ATP9B: variants seen among roughly 807,000 people sequenced by gnomAD.
ATP9B encodes ATPase phospholipid transporting 9B, also known as probable phospholipid-transporting ATPase IIB.
ATP9B carries 110 observed loss-of-function variants against 146.1 expected under a neutral mutation model. The observed-to-expected ratio is 0.75, with a 90% confidence interval of 0.65 to 0.88. ATP9B has a LOEUF of 0.88. Among genes scored for constraint, ATP9B ranks in the 40% least tolerant of loss-of-function variants. The pLI is 0.00. For synonymous variants in ATP9B, 604 were observed against 569.7 expected, an observed-to-expected ratio of 1.06 and a Z score of -0.86; for missense variants, 1,499 against 1,496.4, an observed-to-expected ratio of 1.00 and a Z score of -0.03.
chr18:79,131,000 A>G (rs931362230), intron 5 of ATP9B, among the ~76,000 whole-genome samples: 15 of 152,150 alleles, frequency 9.9e-5, no homozygotes. Context: ...GTCTCTACTA[A>G]AAATACAAAA....
At chr18:79,368,527 ACT>A (rs547345766) in intron 26 of ATP9B, among the ~76,000 whole-genome samples, 3 of 152,110 alleles carry the variant, frequency 2.0e-5, no homozygotes, top group South Asian at 4.2e-4. Flanking sequence ...TTAGGTGCAC[ACT>A]CTCTGCTTGG....
intron 11 of ATP9B, among the ~76,000 whole-genome samples, chr18:79,226,663 C>T (rs2095737813): frequency 6.6e-6 from 1 of 152,218 alleles, no homozygotes; most frequent in South Asian, 2.1e-4. Context: ...ATGCTGCTCA[C>T]CCGCAGTAGA....
At chr18:79,097,704 A>C (rs923586687) in intron 2 of ATP9B, among the ~76,000 whole-genome samples, 36 of 146,230 alleles carry the variant, frequency 2.5e-4, no homozygotes, top group African/African-American at 8.4e-4. Context: ...AAGGACATGA[A>C]CTCATCATTT....
chr18:79,175,062 A>G (rs55677412), intron 7 of ATP9B, among the ~76,000 whole-genome samples: 9,194 of 152,100 alleles, frequency 0.06, 365 homozygotes, highest in Non-Finnish European at 0.092. Flanking sequence ...TTAGCTGGGC[A>G]TGGTGGCACG....
chr18:79,249,655 A>G (rs190992726), intron 11 of ATP9B, among the ~76,000 whole-genome samples: 147 of 152,366 alleles, frequency 9.6e-4, no homozygotes, highest in African/African-American at 3.3e-3. Flanking sequence ...TCTTTATAGA[A>G]TCTGTAACTT....
intron 11 of ATP9B, among the ~76,000 whole-genome samples, chr18:79,240,887 G>T (rs961122347): frequency 6.6e-6 from 1 of 152,182 alleles, no homozygotes; most frequent in African/African-American, 2.4e-5. Context: ...ACTGAAGTTG[G>T]GGACGGGGAG....
chr18:79,195,249 T>G (rs528621797), intron 9 of ATP9B, among the ~76,000 whole-genome samples: 1 of 106,472 alleles, frequency 9.4e-6, no homozygotes, highest in African/African-American at 5.6e-5. Flanking sequence ...AAAATAGCTC[T>G]TATTATTATG....
At chr18:79,310,111 G>T (rs980250250) in intron 15 of ATP9B, among the ~76,000 whole-genome samples, 4 of 152,274 alleles carry the variant, frequency 2.6e-5, no homozygotes, top group African/African-American at 9.6e-5. Context: ...GCAGGAAGAA[G>T]GGTGGAGAGG....
chr18:79,345,392 A>T, intron 21 of ATP9B, 36 bp from the exon 22 acceptor site: 1 of 1,606,812 alleles, frequency 6.2e-7, no homozygotes, highest in Non-Finnish European at 8.5e-7. Flanking sequence ...ACTGTTGTCG[A>T]CCATAAGGCA....
chr18:79,223,464 A>T (rs2095700429), intron 11 of ATP9B, among the ~76,000 whole-genome samples: 2 of 152,342 alleles, frequency 1.3e-5, no homozygotes, highest in East Asian at 3.9e-4. Flanking sequence ...TGCTTCACCA[A>T]AGAGCTACAT....
chr18:79,110,407 C>G lies in ATP9B; in HGVS notation c.346C>G (p.Arg116Gly). ...ICRRKKELKA[R>G]TVWLGCPEKC... ...TCGAAGAAAGAAAGAGCTGAAAGCT[C>G]GCACAGTATGGCTTGGATGTCCTGA... Residue 116 changes from arginine (R) to glycine (G), a missense_variant, in exon 3 of 30, where the codon CGC becomes GGC. Physicochemically the swap from Arg to Gly is moderately radical, Grantham distance 125. Coordinates refer to ENST00000426216, the MANE Select transcript of ATP9B (RefSeq NM_198531.5). 1 of 1,609,946 alleles carries G rather than the reference C, an allele frequency of 6.2e-7. No homozygotes were observed. The highest frequency in any genetic ancestry group is 8.5e-7 in the Non-Finnish European group (1 of 1,177,534).
chr18:79,261,793 C>T (rs1231278599), intron 12 of ATP9B, among the ~76,000 whole-genome samples: 3 of 152,098 alleles, frequency 2.0e-5, no homozygotes, highest in East Asian at 3.9e-4. Flanking sequence ...GTTCAGTTTC[C>T]CGATATTCAG....
intron 11 of ATP9B, among the ~76,000 whole-genome samples, chr18:79,233,014 G>C (rs966499593): frequency 5.3e-5 from 8 of 152,122 alleles, no homozygotes; most frequent in Non-Finnish European, 1.2e-4. Flanking sequence ...ATATGTGGCC[G>C]GGCACGGTGG....
intron 5 of ATP9B, among the ~76,000 whole-genome samples, chr18:79,130,933 G>C (rs1295269064): frequency 6.6e-6 from 1 of 152,206 alleles, no homozygotes; most frequent in African/African-American, 2.4e-5. Flanking sequence ...GGCCGAGGCA[G>C]GTGGATAACT....
At chr18:79,206,062 T>C (rs2095530922) in intron 9 of ATP9B, among the ~76,000 whole-genome samples, 1 of 151,828 alleles carries the variant, frequency 6.6e-6, no homozygotes, top group Admixed American at 6.6e-5. Context: ...TGCCTCAGCC[T>C]CCCAAGCAGC....
At chr18:79,182,180 G>A (rs2095259179) in intron 8 of ATP9B, among the ~76,000 whole-genome samples, 1 of 152,184 alleles carries the variant, frequency 6.6e-6, no homozygotes, top group South Asian at 2.1e-4. Flanking sequence ...GGATCCTGCT[G>A]ATGTCTACTG....
intron 12 of ATP9B, among the ~76,000 whole-genome samples, chr18:79,265,677 A>G (rs1319284181): frequency 3.3e-5 from 5 of 150,614 alleles, no homozygotes; most frequent in African/African-American, 1.2e-4. Flanking sequence ...TTTTTTTTTG[A>G]TGTGCAGAGA....
chr18:79,098,095 A>T (rs1225436889), intron 2 of ATP9B, among the ~76,000 whole-genome samples: 2 of 95,402 alleles, frequency 2.1e-5, no homozygotes, highest in African/African-American at 7.1e-5. Context: ...CATACCTACA[A>T]CTATCTGATC....
chr18:79,290,274 T>G (rs922433441), intron 13 of ATP9B, among the ~76,000 whole-genome samples: 3 of 152,018 alleles, frequency 2.0e-5, no homozygotes, highest in Admixed American at 1.3e-4. Flanking sequence ...TCCACCCAGT[T>G]GGAGCTTCCT....
Sources: allele counts gnomAD v4.1 joint callset (sites outside exome capture counted in the v4.1 genomes callset), GRCh38; gene constraint gnomAD v4.1.1; transcripts MANE v1.5; gene names NCBI Gene and HGNC (gene_info 2026-07-23, HGNC 2026-07-21).